Variants in PER1 observed in about 807,000 individuals in gnomAD.
The protein encoded by PER1 is period circadian protein homolog 1.
PER1 carries 87 observed loss-of-function variants against 125.9 expected under a neutral mutation model. The ratio of observed to expected loss-of-function variants is 0.69; its 90% CI spans 0.58 to 0.83. The LOEUF (loss-of-function observed/expected upper bound fraction) is 0.83. Ranked by LOEUF, PER1 falls within the 40% of genes least tolerant of loss-of-function variation. PER1 has a pLI of 0.00. For synonymous variants in PER1, 801 were observed against 714.7 expected, an observed-to-expected ratio of 1.12 and a Z score of -1.93; for missense variants, 1,775 against 1,722.8, an observed-to-expected ratio of 1.03 and a Z score of -0.54.
At position 8,142,787 on chromosome 17, in the gene PER1, C is replaced by A. The variant is rs369292184; in HGVS notation, c.3121G>T (p.Asp1041Tyr). The A allele has an allele frequency of 1.8e-4, 286 of 1,612,854 alleles. No homozygotes were observed. The highest frequency in any genetic ancestry group is 2.2e-4 in the Non-Finnish European group (258 of 1,179,902). ...TCTTGCAGCAGAAGTTCGAGCAGGT[C>A]ACTGGAGCCGGAAAGTGCGTCCTGA... The part of the protein sequence containing the change: ...SNQDALSGSS[D>Y]LLELLLQEDS... Residue 1041 changes from aspartate (D) to tyrosine (Y), a missense_variant, in exon 20 of 23, where the codon GAC becomes TAC. Physicochemically the swap from Asp to Tyr is radical, Grantham distance 160. Coordinates refer to ENST00000317276, the MANE Select transcript of PER1 (RefSeq NM_002616.3).
rs748974413 is a variant in PER1 at position 8,148,757 on chromosome 17, C to G, written c.935G>C (p.Arg312Pro). 3.7e-6 allele frequency: 6 copies of G among 1,613,654 alleles called. No homozygotes were observed. The African/African-American group carries it at 8.0e-5, about 22-fold the overall frequency. ...RGGPDRDPGP[R>P]YQPFRLTPYV... is the part of the protein sequence containing the mutation. ...CGGGGTTAGGCGGAATGGCTGGTAC[C>G]GAGGCCCTGGATCCCGGTCAGGACC... The change falls in exon 8 of 23, where the codon CGG (arginine) becomes CCG (proline). Residue 312 changes from arginine (R) to proline (P), a missense_variant. Coordinates refer to ENST00000317276, the MANE Select transcript of PER1 (RefSeq NM_002616.3).
At chr17:8,152,152 A>C (rs1280148291) in intron 1 of PER1, among the ~76,000 whole-genome samples, 185 bp downstream of exon 1, 2 of 152,118 alleles carry the variant, frequency 1.3e-5, no homozygotes, top group Non-Finnish European at 2.9e-5. Context: ...GTGGGTCAGG[A>C]GTGCAGACTC....
In PER1 at chr17:8,149,895, G is replaced by A; in HGVS notation, c.530-19C>T. The stretch of plus-strand genomic sequence containing the variant: ...TGGTTGGCTGCAGAGTGGAGGCAGT[G>A]AGGCATTCAGTAAGGAGGCTGCCTC... On this transcript the variant is annotated intron_variant, in intron 4 of 22. Coordinates refer to ENST00000317276, the MANE Select transcript of PER1 (RefSeq NM_002616.3). 7 of 1,614,116 alleles carry A rather than the reference G, an allele frequency of 4.3e-6. No homozygotes were observed. The highest frequency in any genetic ancestry group is 5.9e-6 in the Non-Finnish European group (7 of 1,180,018).
rs1258385978 is a variant in PER1 at position 8,149,453 on chromosome 17, G to A, written c.853+9C>T. The A allele has an allele frequency of 3.1e-6, 5 of 1,611,114 alleles. No individual in the cohort carries two copies. Among genetic ancestry groups the A allele is most frequent in the African/African-American group, 1.3e-5 (1 of 74,832 alleles). On this transcript the variant is annotated intron_variant, in intron 6 of 22. Transcript: ENST00000317276. ...GCTCATGCCTCCCCACAGCGCTTGG[G>A]CACCTCACCTGCTGAGGCCCCTGTG...
Position 8,142,835 on chromosome 17 carries a change from C to A in PER1, c.3073G>T (p.Ala1025Ser), listed in dbSNP as rs930551160. Residue 1025 changes from alanine (A) to serine (S), a missense_variant and splice_region_variant, in exon 20 of 23, where the codon GCG becomes TCG. Coordinates refer to ENST00000317276, the MANE Select transcript of PER1 (RefSeq NM_002616.3). Reference protein sequence around the residue: ...AEAAEPEARLAEVTESSNQDA... With the variant: ...AEAAEPEARLSEVTESSNQDA... ...TGATTGGAGGACTCAGTGACCTCCG[C>A]CTGGAGGAGGGGAGGGGGGCAAGGA... 3.8e-6 allele frequency: 6 copies of A among 1,594,050 alleles called. No homozygotes were observed. The highest frequency in any genetic ancestry group is 5.1e-6 in the Non-Finnish European group (6 of 1,172,824).
Position 8,140,804 on chromosome 17 carries a change from T to C in PER1, c.*264A>G, listed in dbSNP as rs1193749199. On this transcript the variant is annotated 3_prime_UTR_variant, in exon 23 of 23. Coordinates refer to ENST00000317276, the MANE Select transcript of PER1 (RefSeq NM_002616.3). The stretch of plus-strand genomic sequence containing the variant: ...GCCACTTCAGCAGCTTGTCAGCAAC[T>C]TTGTCCAGGGGAGGGAAGGATTCCT... 6.8e-6 allele frequency: 3 copies of C among 438,762 alleles called. No homozygotes were observed. In the Admixed American group the frequency reaches 1.1e-4, roughly 15 times the overall value. The allele number at this position is 438,762 out of a possible 1,614,324, so 27.2% of individuals were successfully genotyped here.
In PER1 at chr17:8,146,072, T is replaced by A. The variant is rs1598251311; in HGVS notation, c.2104A>T (p.Thr702Ser). 1 of 1,613,722 alleles carries A rather than the reference T, an allele frequency of 6.2e-7. No homozygotes were observed. ...TTGGCCAGGGCGAGCGGGCTCAGGG[T>A]GCCTCCCACCACTGGCTCCTTCCGT... ...TPRKEPVVGG[T>S]LSPLALANKA... Residue 702 changes from threonine to serine, a missense_variant, in exon 17 of 23, where the codon ACC becomes TCC. By Grantham distance (58) the Thr-to-Ser change is moderately conservative (BLOSUM62 1). Coordinates refer to ENST00000317276, the MANE Select transcript of PER1 (RefSeq NM_002616.3).
intron 12 of PER1, 22 bp downstream of exon 12, chr17:8,147,448 G>C (rs370878032): frequency 2.5e-6 from 4 of 1,612,844 alleles, no homozygotes; most frequent in Non-Finnish European, 3.4e-6. Context: ...CACCTCCCAG[G>C]CTCCCTCTCC....
intron 17 of PER1, among the ~76,000 whole-genome samples, chr17:8,145,590 C>T (rs1357475988): frequency 6.6e-6 from 1 of 152,172 alleles, no homozygotes; most frequent in Non-Finnish European, 1.5e-5. Context: ...TCCCAAAATG[C>T]TGGGATTACA....
Position 8,143,575 on chromosome 17 carries a change from C to A in PER1, c.2763G>T (p.Leu921Phe). Residue 921 changes from leucine (L) to phenylalanine (F), a missense_variant, in exon 19 of 23, where the codon TTG becomes TTT. Leu to Phe is a conservative substitution (Grantham distance 22). Coordinates refer to ENST00000317276, the MANE Select transcript of PER1 (RefSeq NM_002616.3). ...TTGGGAACAGATAGTTAGGGAGCAC[C>A]AAGGCCACCATTGGGGTCACCAAAG... is the stretch of plus-strand genomic sequence containing the variant. Reference protein sequence around the residue: ...PAPLVTPMVALVLPNYLFPTP... With the variant: ...PAPLVTPMVAFVLPNYLFPTP... The A allele has an allele frequency of 6.8e-7, 1 of 1,464,714 alleles. No individual in the cohort carries two copies. Among genetic ancestry groups the A allele is most frequent in the East Asian group, 2.5e-5 (1 of 39,856 alleles). 90.7% of individuals were successfully genotyped at this position (1,464,714 alleles called of 1,614,324 possible). A position where few individuals can be genotyped will look rare whatever the true frequency, so the allele number is the denominator to read the frequency against.
rs114068540 is a variant in PER1, at chr17:8,142,439, G to A, written c.3279C>T (p.His1093=). 125 of 1,587,154 alleles carry A rather than the reference G, an allele frequency of 7.9e-5. No individual in the cohort carries two copies. In the African/African-American group the frequency reaches 1.6e-3, roughly 21 times the overall value. The change falls in exon 21 of 23, where the codon CAC becomes CAT. Residue 1093 remains histidine (H), a synonymous_variant. Coordinates refer to ENST00000317276, the MANE Select transcript of PER1 (RefSeq NM_002616.3). ...ASITRSSQSS[H]TSKYFGSIDS... The stretch of plus-strand genomic sequence containing the variant: ...CGATGCTGCCAAAGTATTTGCTTGT[G>A]TGGCTGCTCTGGCTGCTGCCTGTGA...
intron 1 of PER1, among the ~76,000 whole-genome samples, chr17:8,151,792 C>T (rs539304828): frequency 6.6e-6 from 1 of 152,244 alleles, no homozygotes; most frequent in Admixed American, 6.5e-5. Context: ...GCAGAAGACA[C>T]ACAACAGCCA....
chr17:8,149,000 C>T (rs1183033872), intron 7 of PER1: 3 of 624,954 alleles, frequency 4.8e-6, no homozygotes, highest in Non-Finnish European at 8.3e-6. Flanking sequence ...ACCAGCCTGG[C>T]CAACATGGTG....
At chr17:8,145,057 C>A in intron 17 of PER1, 64 bp from the exon 18 acceptor site, 1 of 1,378,746 alleles carries the variant, frequency 7.3e-7, no homozygotes, top group Non-Finnish European at 9.4e-7. Flanking sequence ...ATCCATACCA[C>A]ACCCTCCCTG....
rs376814918 is a variant in PER1 at position 8,147,754 on chromosome 17, G to A, written c.1308C>T (p.Thr436=). The A allele has an allele frequency of 1.2e-6, 2 of 1,613,992 alleles. No homozygotes were observed. Among genetic ancestry groups the A allele is most frequent in the African/African-American group, 2.7e-5 (2 of 74,944 alleles). Residue 436 remains threonine (T), a synonymous_variant, in exon 11 of 23, where the codon ACC becomes ACT. Coordinates refer to ENST00000317276, the MANE Select transcript of PER1 (RefSeq NM_002616.3). Reference sequence around the variant, plus strand: ...CAAAGCCAGCCCAGCTGGTGTCCATGGTGACATACTCCCCGTTGCGGGCAC... The same window carrying A: ...CAAAGCCAGCCCAGCTGGTGTCCATAGTGACATACTCCCCGTTGCGGGCAC... The part of the protein sequence containing the change: ...RFCARNGEYV[T]MDTSWAGFVH...
In PER1 at chr17:8,141,786, C is replaced by T. The variant is rs746949859; in HGVS notation, c.3600+19G>A. ...CTTGAGCTCAATTCTTTTTTCTCCCCGTCCCAGGCTTCTCTCACCATCACA... is the reference window on the plus strand; with the variant it reads ...CTTGAGCTCAATTCTTTTTTCTCCCTGTCCCAGGCTTCTCTCACCATCACA... On this transcript the variant is annotated intron_variant, in intron 22 of 22. Transcript: ENST00000317276. The T allele has an allele frequency of 1.1e-5, 17 of 1,591,710 alleles. No homozygotes were observed. Among genetic ancestry groups the T allele is most frequent in the Non-Finnish European group, 1.5e-5 (17 of 1,165,760 alleles).
At chr17:8,141,565 G>A (rs1041621406) in intron 22 of PER1, among the ~76,000 whole-genome samples, 1 of 152,228 alleles carries the variant, frequency 6.6e-6, no homozygotes, top group African/African-American at 2.4e-5. Context: ...AGGATAGGCT[G>A]TGAAAAGTTC....
In PER1 at chr17:8,148,176, C is replaced by G. The variant is rs748917424; in HGVS notation, c.1127+5G>C. 1.9e-6 allele frequency: 3 copies of G among 1,613,960 alleles called. No individual in the cohort carries two copies. The African/African-American group carries it at 4.0e-5, about 22-fold the overall frequency. On this transcript the variant is annotated splice_donor_5th_base_variant and intron_variant, in intron 9 of 22. Coordinates refer to ENST00000317276, the MANE Select transcript of PER1 (RefSeq NM_002616.3). ...GCCCTCGTCTCCTCTAGGTCCTATC[C>G]TCACCTTTCATCCACATCCTGGAAG...
chr17:8,142,109 C>T, intron 21 of PER1, 154 bp from the exon 22 acceptor site: 1 of 1,162,986 alleles, frequency 8.6e-7, no homozygotes, highest in South Asian at 1.3e-5. Context: ...GACCAGGAAA[C>T]CTGCTCTCCT....
Sources: gnomAD v4.1 joint callset for allele counts (sites outside exome capture counted in the v4.1 genomes callset) on GRCh38, gnomAD v4.1.1 for gene constraint, MANE v1.5 for transcripts, NCBI Gene and HGNC (gene_info 2026-07-23, HGNC 2026-07-21) for gene names.